The following CRACR2A variants were observed in gnomAD, a reference collection of about 807,000 sequenced individuals.
CRACR2A encodes EF-hand calcium-binding domain-containing protein 4B.
A neutral mutation model predicts 90.5 loss-of-function variants in CRACR2A; 79 were observed. The ratio of observed to expected loss-of-function variants is 0.87; its 90% CI spans 0.73 to 1.05. CRACR2A has a LOEUF of 1.05. Among genes scored for constraint, CRACR2A ranks in the 50% least tolerant of loss-of-function variants. The pLI is 0.00. For missense variants in CRACR2A, 823 were observed against 897.2 expected, an observed-to-expected ratio of 0.92 and a Z score of 1.06; for synonymous variants, 338 against 356.7, an observed-to-expected ratio of 0.95 and a Z score of 0.59.
At chr12:3,749,018 A>C (rs1237160597) in intron 1 of CRACR2A, among the ~76,000 whole-genome samples, 1 of 152,188 alleles carries the variant, frequency 6.6e-6, no homozygotes, top group Non-Finnish European at 1.5e-5. Context: ...TGAAATAGCC[A>C]AGCTGCCTGA....
At chr12:3,689,388 A>C (rs1036191084) in intron 4 of CRACR2A, among the ~76,000 whole-genome samples, 1 of 152,056 alleles carries the variant, frequency 6.6e-6, no homozygotes, top group African/African-American at 2.4e-5. Context: ...GTTTGTTGAG[A>C]GTTTTTAACA....
intron 3 of CRACR2A, among the ~76,000 whole-genome samples, chr12:3,712,714 C>T (rs1182723642): frequency 6.6e-6 from 1 of 152,150 alleles, no homozygotes; most frequent in East Asian, 1.9e-4. Context: ...ATATTACTAT[C>T]CCATGGGAAG....
intron 4 of CRACR2A, among the ~76,000 whole-genome samples, chr12:3,681,241 G>C (rs1382943997): frequency 6.6e-6 from 1 of 152,200 alleles, no homozygotes; most frequent in Non-Finnish European, 1.5e-5. Flanking sequence ...TTCCACTCCA[G>C]CTCCCTGCTG....
Position 3,619,325 on chromosome 12 carries a change from A to C in CRACR2A, c.1980T>G (p.Leu660=). 3 of 1,551,638 alleles carry C rather than the reference A, an allele frequency of 1.9e-6. No individual in the cohort carries two copies. In the South Asian group the frequency reaches 3.6e-5, roughly 18 times the overall value. ...GGACTTCCCGCTCCTTCTCGTTGTC[A>C]AGCTTATTACCCAGCAGAAGAACAG... ...RVPVLLLGNK[L]DNEKEREVPR... The change falls in exon 18 of 20, where the codon CTT becomes CTG. Residue 660 remains leucine, a synonymous_variant. Coordinates refer to ENST00000440314, the MANE Select transcript of CRACR2A (RefSeq NM_001144958.2).
intron 3 of CRACR2A, among the ~76,000 whole-genome samples, chr12:3,698,201 C>T (rs757684994): frequency 2.0e-5 from 3 of 151,990 alleles, no homozygotes; most frequent in Non-Finnish European, 2.9e-5. Flanking sequence ...CATCTGAAGA[C>T]TTTTTGGAAG....
chr12:3,693,269 C>T lies in CRACR2A; in HGVS notation c.228+3503G>A, dbSNP rs539270162. 1.8e-4 allele frequency among the ~76,000 whole-genome samples: 28 copies of T among 152,332 alleles called. No individual in the cohort carries two copies. The East Asian group carries it at 4.8e-3, about 26-fold the overall frequency. On this transcript the variant is annotated intron_variant, in intron 4 of 19. Coordinates refer to ENST00000440314, the MANE Select transcript of CRACR2A (RefSeq NM_001144958.2). ...TCTCTGCCAGTCAGCCACAAGTCTA[C>T]CAGCACAGGAGCTATGATGCGGGCC...
chr12:3,714,122 G>A (rs1946047594), intron 2 of CRACR2A, among the ~76,000 whole-genome samples: 1 of 152,172 alleles, frequency 6.6e-6, no homozygotes, highest in East Asian at 1.9e-4. Context: ...CACAATTCAT[G>A]GGAGGCAAAT....
chr12:3,737,313 G>A (rs187732112), intron 1 of CRACR2A, among the ~76,000 whole-genome samples: 1 of 152,246 alleles, frequency 6.6e-6, no homozygotes, highest in Non-Finnish European at 1.5e-5. Flanking sequence ...AGGAAACCAG[G>A]GTGGCTAGAA....
At chr12:3,618,170 CAA>C (rs60389598) in intron 18 of CRACR2A, among the ~76,000 whole-genome samples, 1 of 128,380 alleles carries the variant, frequency 7.8e-6, no homozygotes. Flanking sequence ...TTTTCACTAA[CAA>C]AAAAAAAAAA....
At chr12:3,619,732 C>T (rs1280409704) in intron 17 of CRACR2A, among the ~76,000 whole-genome samples, 1 of 152,222 alleles carries the variant, frequency 6.6e-6, no homozygotes, top group Non-Finnish European at 1.5e-5. Context: ...CCTTCCAGAG[C>T]TTACAGCACC....
At chr12:3,638,793 TA>T (rs747657398) in intron 13 of CRACR2A, among the ~76,000 whole-genome samples, 1 of 152,108 alleles carries the variant, frequency 6.6e-6, no homozygotes, top group Non-Finnish European at 1.5e-5. Context: ...ATGACACAAA[TA>T]AATACATCCT....
intron 1 of CRACR2A, among the ~76,000 whole-genome samples, chr12:3,751,736 A>T (rs117594552): frequency 2.4e-4 from 37 of 151,784 alleles, no homozygotes; most frequent in Non-Finnish European, 3.5e-4. Context: ...CTCCCTCTAC[A>T]CACTTTATAG....
chr12:3,689,566 T>C (rs1025120227), intron 4 of CRACR2A, among the ~76,000 whole-genome samples: 6 of 152,128 alleles, frequency 3.9e-5, no homozygotes, highest in African/African-American at 1.4e-4. Flanking sequence ...TGAGTAAGCT[T>C]TTTGGTGTGC....
chr12:3,682,821 G>A (rs1316826492), intron 4 of CRACR2A, among the ~76,000 whole-genome samples: 1 of 149,488 alleles, frequency 6.7e-6, no homozygotes, highest in African/African-American at 2.5e-5. Flanking sequence ...ACAGAGTCTC[G>A]CTCTGTCACC....
rs1464943013 is a variant in CRACR2A, at chr12:3,697,055, G to A, written c.-36-20C>T. The A allele has an allele frequency of 6.5e-6, 10 of 1,542,190 alleles. No homozygotes were observed. In the Admixed American group the frequency reaches 2.0e-4, roughly 31 times the overall value. On this transcript the variant is annotated intron_variant, in intron 3 of 19. Coordinates refer to ENST00000440314, the MANE Select transcript of CRACR2A (RefSeq NM_001144958.2). ...CAGAACCTGAACATAGAAAATGGGA[G>A]AGAGAAGTGGGTGTGGTGGGTTGGA...
intron 11 of CRACR2A, among the ~76,000 whole-genome samples, chr12:3,646,529 G>T (rs1047967355): frequency 1.3e-5 from 2 of 152,242 alleles, no homozygotes; most frequent in Admixed American, 1.3e-4. Flanking sequence ...CAGTCTTGCA[G>T]AAAACATTAG....
intron 1 of CRACR2A, among the ~76,000 whole-genome samples, chr12:3,739,980 C>T (rs929561047): frequency 6.6e-6 from 1 of 151,576 alleles, no homozygotes; most frequent in Admixed American, 6.6e-5. Context: ...CAGGGATATA[C>T]CCCAGATTCT....
chr12:3,622,547 A>G (rs1051677730), intron 17 of CRACR2A, among the ~76,000 whole-genome samples: 3 of 152,228 alleles, frequency 2.0e-5, no homozygotes, highest in African/African-American at 7.2e-5. Flanking sequence ...TTTAAATAAC[A>G]AGAGCTGTCA....
intron 4 of CRACR2A, among the ~76,000 whole-genome samples, chr12:3,690,154 C>G (rs945016126): frequency 6.6e-6 from 1 of 151,944 alleles, no homozygotes; most frequent in African/African-American, 2.4e-5. Context: ...GTGTTCCAAT[C>G]TCCTTGAGTT....
Sources: allele counts gnomAD v4.1 joint callset (sites outside exome capture counted in the v4.1 genomes callset), GRCh38; gene constraint gnomAD v4.1.1; transcripts MANE v1.5; gene names NCBI Gene and HGNC (gene_info 2026-07-23, HGNC 2026-07-21).